BAZ2B: variants seen among roughly 807,000 people sequenced by gnomAD.
BAZ2B encodes the protein bromodomain adjacent to zinc finger domain 2B, also known as bromodomain adjacent to zinc finger domain protein 2B.
A neutral mutation model predicts 246.0 loss-of-function variants in BAZ2B; 91 were observed. That is an observed-to-expected ratio of 0.37 (90% CI 0.31 to 0.44). BAZ2B has a LOEUF of 0.44. Among genes scored for constraint, BAZ2B ranks in the 20% least tolerant of loss-of-function variants. The probability of loss-of-function intolerance (pLI) is 1.00; values close to 1 mark genes in which losing one functional copy is unlikely to be tolerated. For missense variants in BAZ2B, 2,332 were observed against 2,533.7 expected (o/e 0.92, Z 1.71); for synonymous variants, 855 against 860.0 (o/e 0.99, Z 0.10).
chr2:159,658,139 G>C, the BAZ2B span, among the ~76,000 whole-genome samples: 5 of 152,072 alleles, frequency 3.3e-5, no homozygotes, highest in Non-Finnish European at 7.4e-5. Context: ...TGTCATAAAT[G>C]GGTGTTGGAC....
intron 2 of BAZ2B, among the ~76,000 whole-genome samples, chr2:159,513,189 A>G (rs1014133577): frequency 6.6e-6 from 1 of 152,232 alleles, no homozygotes; most frequent in Admixed American, 6.5e-5. Context: ...ACAGCAGTCA[A>G]TGAAATACTC....
intron 1 of BAZ2B, among the ~76,000 whole-genome samples, chr2:159,574,795 C>A (rs1220814803): frequency 6.6e-6 from 1 of 151,798 alleles, no homozygotes; most frequent in Non-Finnish European, 1.5e-5. Flanking sequence ...ATCAGCCTAA[C>A]CCCATCTCTA....
At position 159,570,330 on chromosome 2, in the gene BAZ2B, G is replaced by A. The variant is rs183978525; in HGVS notation, c.-45-14465C>T. Among the ~76,000 whole-genome samples, 51 of 152,070 alleles carry A rather than the reference G, an allele frequency of 3.4e-4. 1 individual carries two copies. The highest frequency in any genetic ancestry group is 6.8e-3 in the Middle Eastern group (2 of 292). On this transcript the variant is annotated intron_variant, in intron 1 of 36. Coordinates refer to ENST00000392783, the MANE Select transcript of BAZ2B (RefSeq NM_013450.4). The stretch of plus-strand genomic sequence containing the variant: ...CTCCCGAGCAGTTGGGACTACAGGC[G>A]CACGCCACCATGCCTGGCTAATTTT...
At chr2:159,622,933 C>G in the BAZ2B span, among the ~76,000 whole-genome samples, 38 of 146,754 alleles carry the variant, frequency 2.6e-4, no homozygotes, top group South Asian at 6.4e-4. Flanking sequence ...GATCAAACCA[C>G]TGGACTCCAG....
intron 3 of BAZ2B, among the ~76,000 whole-genome samples, chr2:159,477,258 T>C (rs904853119): frequency 7.9e-5 from 12 of 152,078 alleles, no homozygotes; most frequent in Non-Finnish European, 1.2e-4. Context: ...TGAGCCAAGA[T>C]TGTGCCACTG....
chr2:159,371,444 C>G (rs756353765), intron 27 of BAZ2B, among the ~76,000 whole-genome samples: 13 of 152,158 alleles, frequency 8.5e-5, no homozygotes, highest in Non-Finnish European at 1.6e-4. Context: ...ATGTCTGGCC[C>G]ATAATTTTTC....
At chr2:159,605,344 G>C (rs1693224654) in intron 1 of BAZ2B, among the ~76,000 whole-genome samples, 1 of 151,954 alleles carries the variant, frequency 6.6e-6, no homozygotes, top group African/African-American at 2.4e-5. Flanking sequence ...CTTGATAAGT[G>C]ATTTTTATTT....
intron 2 of BAZ2B, among the ~76,000 whole-genome samples, chr2:159,539,522 G>T (rs983126299): frequency 1.3e-5 from 2 of 152,200 alleles, no homozygotes; most frequent in African/African-American, 4.8e-5. Context: ...AGCTGAATAT[G>T]AAACAGTCTC....
chr2:159,656,666 T>C, the BAZ2B span, among the ~76,000 whole-genome samples: 2 of 152,212 alleles, frequency 1.3e-5, no homozygotes, highest in Admixed American at 1.3e-4. Flanking sequence ...CATTTCTTAA[T>C]AGGTCATTTC....
intron 2 of BAZ2B, among the ~76,000 whole-genome samples, chr2:159,481,593 A>C (rs2150955277): frequency 6.6e-6 from 1 of 152,070 alleles, no homozygotes; most frequent in Middle Eastern, 3.4e-3. Flanking sequence ...CAGTGGAGAA[A>C]CAACATTACC....
At chr2:159,437,130 A>G (rs768867629) in intron 8 of BAZ2B, among the ~76,000 whole-genome samples, 1 of 152,216 alleles carries the variant, frequency 6.6e-6, no homozygotes, top group Non-Finnish European at 1.5e-5. Flanking sequence ...TAGATGCCCT[A>G]CAAGTGATAT....
the BAZ2B span, among the ~76,000 whole-genome samples, chr2:159,634,772 A>G: frequency 3.3e-5 from 5 of 152,200 alleles, no homozygotes; most frequent in Admixed American, 1.3e-4. Context: ...TTACTGTTTT[A>G]CCAGTAATGT....
chr2:159,655,505 G>A, the BAZ2B span, among the ~76,000 whole-genome samples: 7 of 152,058 alleles, frequency 4.6e-5, no homozygotes, highest in African/African-American at 1.7e-4. Flanking sequence ...GTCCTTTAGT[G>A]TTTTTCCTTT....
chr2:159,384,342 AT>A (rs1164742689), intron 23 of BAZ2B, among the ~76,000 whole-genome samples: 1 of 152,040 alleles, frequency 6.6e-6, no homozygotes, highest in African/African-American at 2.4e-5. Flanking sequence ...ATATTATTAT[AT>A]TTTTTAGGAT....
the BAZ2B span, chr2:159,689,167 T>G: frequency 2.4e-6 from 1 of 416,124 alleles, no homozygotes; most frequent in South Asian, 2.0e-5. Flanking sequence ...CGCACGTATT[T>G]TTCTCACAAA....
At chr2:159,317,478 A>C (rs1222049340), downstream of BAZ2B, among the ~76,000 whole-genome samples, 1 of 152,174 alleles carries the variant, frequency 6.6e-6, no homozygotes, top group African/African-American at 2.4e-5. Flanking sequence ...TTTAATTTTC[A>C]CTGTGGTTAA....
At chr2:159,405,249 T>C (rs2065734834) in intron 14 of BAZ2B, 135 bp from the exon 15 acceptor site, 1 of 763,696 alleles carries the variant, frequency 1.3e-6, no homozygotes, top group African/African-American at 1.8e-5. Flanking sequence ...TCTCGCTCTG[T>C]TGCCCAGGCT....
rs73008687 is a variant in BAZ2B at position 159,562,383 on chromosome 2, C to A, written c.-45-6518G>T. 5.7e-3 allele frequency among the ~76,000 whole-genome samples: 860 copies of A among 152,140 alleles called. 3 individuals are homozygous for A. Among genetic ancestry groups the A allele is most frequent in the African/African-American group, 0.02 (817 of 41,514 alleles). On this transcript the variant is annotated intron_variant, in intron 1 of 36. Coordinates refer to ENST00000392783, the MANE Select transcript of BAZ2B (RefSeq NM_013450.4). ...TATTAGACTTGGTAAATTTAAAAAA[C>A]ACACACACACATAAGCTGCCTGTTT...
intron 1 of BAZ2B, among the ~76,000 whole-genome samples, chr2:159,600,224 A>C (rs1691817934): frequency 6.6e-6 from 1 of 152,194 alleles, no homozygotes; most frequent in Admixed American, 6.5e-5. Context: ...TATGTAAATA[A>C]GCCATACCTC....
Sources: gnomAD v4.1 joint callset for allele counts (sites outside exome capture counted in the v4.1 genomes callset) on GRCh38, gnomAD v4.1.1 for gene constraint, MANE v1.5 for transcripts, NCBI Gene and HGNC (gene_info 2026-07-23, HGNC 2026-07-21) for gene names.